FAM114A1: variants seen among roughly 807,000 people sequenced by gnomAD.
FAM114A1 encodes protein NOXP20.
Under a neutral mutation model 64.3 loss-of-function variants are expected in FAM114A1, and 62 were observed. The ratio of observed to expected loss-of-function variants is 0.96; its 90% CI spans 0.79 to 1.19. The LOEUF is 1.19. FAM114A1 is among the 50% of genes most tolerant of loss of function. The pLI is 0.00. For missense variants in FAM114A1, 645 were observed against 676.3 expected (o/e 0.95, Z 0.51); for synonymous variants, 254 against 251.1 (o/e 1.01, Z -0.11).
At chr4:38,905,425 A>G (rs758649827) in intron 4 of FAM114A1, 97 bp from the exon 5 acceptor site, 7 of 869,192 alleles carry the variant, frequency 8.1e-6, no homozygotes, top group Non-Finnish European at 1.3e-5. Context: ...AGAAAGATGT[A>G]CTTCTGCAAC....
chr4:38,942,970 A>G (rs6851870), intron 14 of FAM114A1, among the ~76,000 whole-genome samples: 100,655 of 151,928 alleles, frequency 0.66, 34,214 homozygotes, highest in African/African-American at 0.82. Context: ...CGAGGTGGGC[A>G]GATACGAAGT....
chr4:38,894,055 T>C (rs1716664263), intron 4 of FAM114A1, among the ~76,000 whole-genome samples: 1 of 148,532 alleles, frequency 6.7e-6, no homozygotes, highest in Non-Finnish European at 1.5e-5. Context: ...CCCAGCTACA[T>C]GGGAGGCTGA....
chr4:38,923,224 C>CT (rs55688191), intron 9 of FAM114A1, among the ~76,000 whole-genome samples: 34,790 of 131,418 alleles, frequency 0.26, 5,324 homozygotes, highest in East Asian at 0.56. Flanking sequence ...TATGCTGCCA[C>CT]TTTTTTTTTT....
At chr4:38,895,140 C>T (rs1579325117) in intron 4 of FAM114A1, among the ~76,000 whole-genome samples, 1 of 152,164 alleles carries the variant, frequency 6.6e-6, no homozygotes, top group East Asian at 1.9e-4. Context: ...TAGAAGGGGG[C>T]CCAGAGTCGA....
At chr4:38,934,925 T>G (rs918168633) in intron 12 of FAM114A1, among the ~76,000 whole-genome samples, 89 of 152,268 alleles carry the variant, frequency 5.8e-4, no homozygotes, top group African/African-American at 2.0e-3. Context: ...TTACTTTTTT[T>G]TTTTTTGAGA....
At chr4:38,898,380 G>T (rs182545317) in intron 4 of FAM114A1, among the ~76,000 whole-genome samples, 1 of 152,020 alleles carries the variant, frequency 6.6e-6, no homozygotes, top group Non-Finnish European at 1.5e-5. Context: ...CTAGCAGCCC[G>T]GTCAGAAATG....
At chr4:38,905,412 AAAAG>A (rs1191295725) in intron 4 of FAM114A1, 106 bp from the exon 5 acceptor site, 6 of 832,894 alleles carry the variant, frequency 7.2e-6, no homozygotes, top group Non-Finnish European at 9.6e-6. Context: ...AAAAAAAAAA[AAAAG>A]AAAGATGTAC....
chr4:38,905,578 G>A lies in FAM114A1; in HGVS notation c.493G>A (p.Val165Ile), dbSNP rs1168376747. The A allele has an allele frequency of 4.3e-6, 7 of 1,614,044 alleles. No individual in the cohort carries two copies. Among genetic ancestry groups the A allele is most frequent in the African/African-American group, 1.3e-5 (1 of 74,914 alleles). The change falls in exon 5 of 15, where the codon GTA (valine) becomes ATA (isoleucine). Residue 165 changes from valine (V) to isoleucine (I), a missense_variant. Transcript: ENST00000358869. Reference sequence around the variant, plus strand: ...AGGAGCCACTCTACGGATTCATGGTGTAAATTCTGGATCTTCTGAAGGAGC... The same window carrying A: ...AGGAGCCACTCTACGGATTCATGGTATAAATTCTGGATCTTCTGAAGGAGC... ...KAGATLRIHG[V>I]NSGSSEGAQP...
At chr4:38,890,056 A>G (rs780009825) in intron 3 of FAM114A1, among the ~76,000 whole-genome samples, 13 of 152,150 alleles carry the variant, frequency 8.5e-5, no homozygotes, top group Middle Eastern at 3.2e-3. Flanking sequence ...TTCCATTTAT[A>G]TATCTCATTG....
intron 4 of FAM114A1, among the ~76,000 whole-genome samples, chr4:38,904,599 G>A (rs371373345): frequency 9.8e-5 from 15 of 152,298 alleles, no homozygotes; most frequent in African/African-American, 3.4e-4. Flanking sequence ...CTGTTGGGTG[G>A]CCTTCCTGGT....
chr4:38,922,552 A>G (rs775379912), intron 8 of FAM114A1, among the ~76,000 whole-genome samples: 4 of 152,198 alleles, frequency 2.6e-5, no homozygotes, highest in Admixed American at 2.0e-4. Flanking sequence ...TTTACTCCAC[A>G]AAGAATCTCC....
At chr4:38,902,226 T>A (rs535562772) in intron 4 of FAM114A1, among the ~76,000 whole-genome samples, 1 of 152,362 alleles carries the variant, frequency 6.6e-6, no homozygotes, top group African/African-American at 2.4e-5. Flanking sequence ...AGTATACTAA[T>A]ATCCCTTACC....
chr4:38,890,395 C>G (rs1395831052), intron 3 of FAM114A1, among the ~76,000 whole-genome samples: 1 of 136,758 alleles, frequency 7.3e-6, no homozygotes, highest in Admixed American at 7.7e-5. Context: ...GAGCAAGACT[C>G]CGTCTCAAAA....
chr4:38,893,995 T>C (rs1204176545), intron 4 of FAM114A1, among the ~76,000 whole-genome samples: 1 of 151,986 alleles, frequency 6.6e-6, no homozygotes, highest in Admixed American at 6.6e-5. Flanking sequence ...AAAACCCATC[T>C]CTACTAAAAA....
chr4:38,940,870 C>T, intron 13 of FAM114A1, 98 bp from the exon 14 acceptor site: 1 of 1,271,580 alleles, frequency 7.9e-7, no homozygotes, highest in Non-Finnish European at 1.1e-6. Context: ...TCTTCCTCTG[C>T]AAGAGATCCC....
chr4:38,911,844 CTTTTTTTTTCTTTTTTCT>C (rs1718568185), intron 7 of FAM114A1, among the ~76,000 whole-genome samples: 2 of 115,194 alleles, frequency 1.7e-5, no homozygotes, highest in Non-Finnish European at 3.6e-5. Context: ...TTTTTTTTTT[CTTTTTTTTTCTTTTTTCT>C]TTTTTTTTTT....
In FAM114A1 at chr4:38,932,395, A is replaced by G. The variant is rs772827688; in HGVS notation, c.1463+21A>G. On this transcript the variant is annotated intron_variant, in intron 12 of 14. Coordinates refer to ENST00000358869, the MANE Select transcript of FAM114A1 (RefSeq NM_138389.4). ...ATAAAGTAAGTAAATGTTACTTTAAATTCTTATTTTCCCAGTTTTATATAT... is the reference window on the plus strand; with the variant it reads ...ATAAAGTAAGTAAATGTTACTTTAAGTTCTTATTTTCCCAGTTTTATATAT... The G allele has an allele frequency of 7.0e-6, 11 of 1,580,138 alleles. No homozygotes were observed. The South Asian group carries it at 8.2e-5, about 12-fold the overall frequency.
At chr4:38,916,827 G>A (rs1719093036) in intron 8 of FAM114A1, among the ~76,000 whole-genome samples, 1 of 151,868 alleles carries the variant, frequency 6.6e-6, no homozygotes, top group South Asian at 2.1e-4. Flanking sequence ...ATATATGAAG[G>A]TGCCAATAGA....
rs780185025 is a variant in FAM114A1, at chr4:38,932,352, G to T, written c.1441G>T (p.Asp481Tyr). Residue 481 changes from aspartate (D) to tyrosine (Y), a missense_variant, in exon 12 of 15, where the codon GAC (aspartate) becomes TAC (tyrosine). By Grantham distance (160) the Asp-to-Tyr change is radical (BLOSUM62 -3). Transcript: ENST00000358869. ...ACAAGAAGAGGAAAAACCAGCTCAG[G>T]ACCAAGCAAAAGTTCTAATAAAGTA... is the stretch of plus-strand genomic sequence containing the variant. ...HGQEEEKPAQDQAKVLIKLTT... is the reference protein window; with the variant it reads ...HGQEEEKPAQYQAKVLIKLTT... 3 of 1,592,102 alleles carry T rather than the reference G, an allele frequency of 1.9e-6. No individual in the cohort carries two copies. The highest frequency in any genetic ancestry group is 1.7e-6 in the Non-Finnish European group (2 of 1,174,806).
Sources: gnomAD v4.1 joint callset for allele counts (sites outside exome capture counted in the v4.1 genomes callset) on GRCh38, gnomAD v4.1.1 for gene constraint, MANE v1.5 for transcripts, NCBI Gene and HGNC (gene_info 2026-07-23, HGNC 2026-07-21) for gene names.